Variants in CNTN3 observed in about 807,000 individuals in gnomAD.
CNTN3 encodes contactin-3.
A neutral mutation model predicts 119.1 loss-of-function variants in CNTN3; 60 were observed. That is an observed-to-expected ratio of 0.50 (90% CI 0.41 to 0.62). The LOEUF (loss-of-function observed/expected upper bound fraction) is 0.62. CNTN3 is among the 20% of genes least tolerant of loss of function. The pLI, the probability that CNTN3 is intolerant of heterozygous loss-of-function variation, is 0.00. For missense variants in CNTN3, 1,101 were observed against 1,242.4 expected, an observed-to-expected ratio of 0.89 and a Z score of 1.71; for synonymous variants, 450 against 438.7, an observed-to-expected ratio of 1.03 and a Z score of -0.32.
chr3:74,264,165 C>G lies in CNTN3; in HGVS notation c.*236G>C, dbSNP rs113175665. 651 of 312,892 alleles carry G rather than the reference C, an allele frequency of 2.1e-3. 3 individuals are homozygous for G. Among genetic ancestry groups the G allele is most frequent in the African/African-American group, 0.012 (575 of 46,578 alleles). 19.4% of individuals were successfully genotyped at this position (312,892 alleles called of 1,614,324 possible). On this transcript the variant is annotated 3_prime_UTR_variant, in exon 23 of 23. Coordinates refer to ENST00000263665, the MANE Select transcript of CNTN3 (RefSeq NM_020872.3). ...ACTCATAGTTTAAGAACATTTATAT[C>G]AAAAGTCTGAAGTATGTAATATGTA...
chr3:74,478,427 G>A (rs1485526557), intron 4 of CNTN3, among the ~76,000 whole-genome samples: 1 of 152,108 alleles, frequency 6.6e-6, no homozygotes, highest in Non-Finnish European at 1.5e-5. Context: ...CTGAACTGCA[G>A]GTGATGTTTT....
intron 5 of CNTN3, among the ~76,000 whole-genome samples, chr3:74,418,929 T>C (rs1014949839): frequency 3.3e-5 from 5 of 151,840 alleles, no homozygotes; most frequent in Admixed American, 3.3e-4. Context: ...GCTAGGACTA[T>C]AGGTGCACGC....
intron 20 of CNTN3, among the ~76,000 whole-genome samples, chr3:74,284,341 T>C (rs1349841963): frequency 1.3e-5 from 2 of 152,132 alleles, no homozygotes; most frequent in African/African-American, 2.4e-5. Flanking sequence ...TTTTATTAAA[T>C]TAAGAAATTT....
intron 11 of CNTN3, among the ~76,000 whole-genome samples, chr3:74,336,869 G>C (rs1168119167): frequency 6.6e-6 from 1 of 151,070 alleles, no homozygotes; most frequent in Non-Finnish European, 1.5e-5. Context: ...GATGACAAAA[G>C]ATGCTCCACC....
intron 4 of CNTN3, among the ~76,000 whole-genome samples, chr3:74,427,367 G>T (rs1373412844): frequency 6.6e-6 from 1 of 152,194 alleles, no homozygotes; most frequent in African/African-American, 2.4e-5. Context: ...GAGGGCCAGG[G>T]TGGGCATTTT....
intron 3 of CNTN3, among the ~76,000 whole-genome samples, chr3:74,495,249 G>C (rs1171574932): frequency 6.6e-6 from 1 of 151,798 alleles, no homozygotes; most frequent in Non-Finnish European, 1.5e-5. Flanking sequence ...ATAATTTAGA[G>C]GAACAATAAC....
intron 10 of CNTN3, 78 bp from the exon 11 acceptor site, chr3:74,362,118 A>C (rs1704086704): frequency 6.6e-7 from 1 of 1,504,688 alleles, no homozygotes; most frequent in South Asian, 1.2e-5. Context: ...CCACTTTTAC[A>C]GTTTTAAAAG....
At chr3:74,467,111 AT>A (rs1702475626) in intron 4 of CNTN3, among the ~76,000 whole-genome samples, 1 of 152,042 alleles carries the variant, frequency 6.6e-6, no homozygotes, top group Non-Finnish European at 1.5e-5. Flanking sequence ...TACAAATACA[AT>A]TTTTTTCAAA....
Position 74,301,491 on chromosome 3 carries a change from A to G in CNTN3, c.2002T>C (p.Trp668Arg). Residue 668 changes from tryptophan to arginine, a missense_variant, in exon 16 of 23, where the codon TGG (tryptophan) becomes CGG (arginine). Physicochemically the swap from Trp to Arg is moderately radical, Grantham distance 101. Coordinates refer to ENST00000263665, the MANE Select transcript of CNTN3 (RefSeq NM_020872.3). ...ACAACCCGAAATTCATATTCCACCC[A>G]TGGGTTTAACTCAACTACAGTGGCT... ...HTATVVELNPWVEYEFRVVAS... is the reference protein window; with the variant it reads ...HTATVVELNPRVEYEFRVVAS... The G allele has an allele frequency of 5.6e-6, 9 of 1,614,080 alleles. 1 individual carries two copies. The South Asian group carries it at 9.9e-5, about 18-fold the overall frequency.
intron 19 of CNTN3, among the ~76,000 whole-genome samples, chr3:74,291,627 C>CCT (rs1464620692): frequency 6.6e-6 from 1 of 152,152 alleles, no homozygotes; most frequent in South Asian, 2.1e-4. Context: ...GATCTGCTTG[C>CCT]CTCGGCCTCC....
At chr3:74,438,875 T>G (rs1395342686) in intron 4 of CNTN3, among the ~76,000 whole-genome samples, 1 of 152,146 alleles carries the variant, frequency 6.6e-6, no homozygotes, top group Non-Finnish European at 1.5e-5. Flanking sequence ...ATAAATAAAT[T>G]AGCACATGCA....
At chr3:74,375,300 G>C (rs1412516660) in intron 5 of CNTN3, among the ~76,000 whole-genome samples, 1 of 152,126 alleles carries the variant, frequency 6.6e-6, no homozygotes, top group Non-Finnish European at 1.5e-5. Flanking sequence ...AGTAAAAATA[G>C]TTTTTGAGAC....
At position 74,285,437 on chromosome 3, in the gene CNTN3, C is replaced by T. The variant is rs571938247; in HGVS notation, c.2572G>A (p.Ala858Thr). ...KEESSSKMKV[A>T]GNETSARLRG... is the part of the protein sequence containing the mutation. ...AGTCTGGCTGATGTCTCATTTCCTG[C>T]CACTTTCATCTTACTGGATGATTCC... Residue 858 changes from alanine (A) to threonine (T), a missense_variant, in exon 20 of 23, where the codon GCA (alanine) becomes ACA (threonine). Coordinates refer to ENST00000263665, the MANE Select transcript of CNTN3 (RefSeq NM_020872.3). 9.3e-6 allele frequency: 15 copies of T among 1,613,054 alleles called. No individual in the cohort carries two copies. The highest frequency in any genetic ancestry group is 1.3e-5 in the Non-Finnish European group (15 of 1,179,542).
intron 4 of CNTN3, among the ~76,000 whole-genome samples, chr3:74,485,102 A>G (rs1702828664): frequency 6.6e-6 from 1 of 152,052 alleles, no homozygotes; most frequent in Admixed American, 6.6e-5. Context: ...TATCTATGAG[A>G]AGACTATTAC....
At chr3:74,271,756 A>T (rs943840859) in intron 20 of CNTN3, among the ~76,000 whole-genome samples, 1 of 152,282 alleles carries the variant, frequency 6.6e-6, no homozygotes, top group African/African-American at 2.4e-5. Flanking sequence ...CTGCTTAAAC[A>T]TGTGGTATTG....
chr3:74,428,181 G>T (rs1337454751), intron 4 of CNTN3, among the ~76,000 whole-genome samples: 2 of 151,930 alleles, frequency 1.3e-5, no homozygotes, highest in African/African-American at 4.8e-5. Flanking sequence ...TAATGCTTGA[G>T]AATGATACTA....
chr3:74,567,341 GTAGAGA>G (rs1704243668), intron 1 of CNTN3, among the ~76,000 whole-genome samples: 1 of 38,216 alleles, frequency 2.6e-5, no homozygotes, highest in African/African-American at 1.0e-4. Flanking sequence ...TTTTTTTTTT[GTAGAGA>G]GGGGGTCTTA....
chr3:74,422,319 T>C (rs1212407554), intron 5 of CNTN3, among the ~76,000 whole-genome samples: 2 of 152,224 alleles, frequency 1.3e-5, no homozygotes, highest in Non-Finnish European at 2.9e-5. Context: ...CTCCTATGCA[T>C]GCTCTGGGTT....
chr3:74,422,537 C>G (rs997192638), intron 5 of CNTN3, among the ~76,000 whole-genome samples: 3 of 152,270 alleles, frequency 2.0e-5, no homozygotes, highest in East Asian at 1.9e-4. Flanking sequence ...TGAATAGATT[C>G]ATCTTTTGGG....
Sources: gnomAD v4.1 joint callset for allele counts (sites outside exome capture counted in the v4.1 genomes callset) on GRCh38, gnomAD v4.1.1 for gene constraint, MANE v1.5 for transcripts, NCBI Gene and HGNC (gene_info 2026-07-23, HGNC 2026-07-21) for gene names.